SLBP: variants seen among roughly 807,000 people sequenced by gnomAD.
SLBP encodes histone RNA hairpin-binding protein.
In SLBP, 29 loss-of-function variants were observed where a neutral mutation model predicts 39.2. The observed-to-expected ratio is 0.74, with a 90% CI of 0.55 to 1.01. The LOEUF (loss-of-function observed/expected upper bound fraction) is 1.01. SLBP is among the 50% of genes least tolerant of loss of function. SLBP has a pLI of 0.00. For synonymous variants in SLBP, 129 were observed against 118.7 expected, an observed-to-expected ratio of 1.09 and a Z score of -0.57; for missense variants, 390 against 350.2, an observed-to-expected ratio of 1.11 and a Z score of -0.91.
intron 2 of SLBP, among the ~76,000 whole-genome samples, chr4:1,708,171 G>C (rs144012607): frequency 8.6e-4 from 131 of 151,850 alleles, no homozygotes; most frequent in African/African-American, 3.1e-3. Context: ...AGAACTGCTT[G>C]AACTTGGAAG....
chr4:1,698,090 G>T (rs1010713102), intron 5 of SLBP, among the ~76,000 whole-genome samples: 1 of 151,818 alleles, frequency 6.6e-6, no homozygotes, highest in African/African-American at 2.4e-5. Context: ...GGTTGGGCGT[G>T]GTGGCTCACC....
chr4:1,696,696 G>A (rs1437837363), intron 5 of SLBP, among the ~76,000 whole-genome samples: 3 of 152,076 alleles, frequency 2.0e-5, no homozygotes, highest in African/African-American at 7.2e-5. Context: ...TCAGCAGTTC[G>A]AGACCAGCTT....
chr4:1,706,777 C>A (rs796873250), intron 2 of SLBP, among the ~76,000 whole-genome samples: 3 of 117,372 alleles, frequency 2.6e-5, no homozygotes, highest in African/African-American at 8.1e-5. Context: ...TGCAGTGAGC[C>A]GAGATCGTGC....
intron 5 of SLBP, among the ~76,000 whole-genome samples, chr4:1,696,954 T>C (rs1192682063): frequency 2.0e-5 from 3 of 149,560 alleles, no homozygotes; most frequent in Non-Finnish European, 4.4e-5. Context: ...CTCAAGAGCC[T>C]GAGATCAGGC....
intron 2 of SLBP, among the ~76,000 whole-genome samples, chr4:1,705,186 C>T (rs1232413888): frequency 6.6e-6 from 1 of 152,262 alleles, no homozygotes; most frequent in Non-Finnish European, 1.5e-5. Context: ...CTCGGCCTCC[C>T]AAAGTACTGG....
intron 2 of SLBP, among the ~76,000 whole-genome samples, chr4:1,704,650 C>T (rs1336519482): frequency 1.3e-5 from 2 of 152,132 alleles, no homozygotes; most frequent in Non-Finnish European, 2.9e-5. Context: ...CCCTGGCTGG[C>T]CATACAGAGG....
intron 3 of SLBP, among the ~76,000 whole-genome samples, chr4:1,701,531 TCTTA>T (rs1716331120): frequency 3.9e-5 from 6 of 152,234 alleles, no homozygotes; most frequent in African/African-American, 1.2e-4. Context: ...TTCATACCGC[TCTTA>T]CTGTCAGGAA....
rs1716359241 is a variant in SLBP at position 1,702,363 on chromosome 4, C to T, written c.281+1233G>A. Among the ~76,000 whole-genome samples, 6 of 151,874 alleles carry T rather than the reference C, an allele frequency of 4.0e-5. No individual in the cohort carries two copies. The South Asian group carries it at 1.2e-3, about 31-fold the overall frequency. ...ACCAGAAGAAATGACAAATAACTCC[C>T]CCAAATGTTCAATAACCAATTCCCA... On this transcript the variant is annotated intron_variant, in intron 3 of 7. Transcript: ENST00000489418.
In SLBP at chr4:1,693,566, G is replaced by C; in HGVS notation, c.*31C>G. 7.4e-7 allele frequency: 1 copy of C among 1,342,420 alleles called. No individual in the cohort carries two copies. The highest frequency in any genetic ancestry group is 1.1e-6 in the Non-Finnish European group (1 of 932,446). 83.2% of individuals were successfully genotyped at this position (1,342,420 alleles called of 1,614,324 possible). On this transcript the variant is annotated 3_prime_UTR_variant, in exon 8 of 8. Transcript: ENST00000489418. ...CAGCCTTCCACCTAGTCGGGGAGGA[G>C]CTGTTTCTCTTCCTGGCCGCCAGGG...
intron 2 of SLBP, among the ~76,000 whole-genome samples, 174 bp from the exon 3 acceptor site, chr4:1,703,874 G>A (rs1207343807): frequency 6.6e-6 from 1 of 152,112 alleles, no homozygotes; most frequent in Admixed American, 6.6e-5. Context: ...AGACCAGCAT[G>A]GGCAAGATAG....
Position 1,696,335 on chromosome 4 carries a change from CA to C in SLBP, c.495del (p.Gly166AlafsTer48). 6.3e-7 allele frequency: 1 copy of C among 1,584,536 alleles called. No homozygotes were observed. Among genetic ancestry groups the C allele is most frequent in the Non-Finnish European group, 8.6e-7 (1 of 1,166,432 alleles). ...TTATTAGGGGTCTTGGGATGAATGC[CA>C]GGTTGTCGAAGGTGTCTACAGGAGA... ...IKEVPRHLRQ[P>X]GIHPKTPNKF... On this transcript the variant is annotated frameshift_variant, in exon 6 of 8. Coordinates refer to ENST00000489418, the MANE Select transcript of SLBP (RefSeq NM_006527.4). LOFTEE classifies it high-confidence loss of function.
At chr4:1,706,223 T>C (rs1390969213) in intron 2 of SLBP, among the ~76,000 whole-genome samples, 1 of 151,566 alleles carries the variant, frequency 6.6e-6, no homozygotes, top group Non-Finnish European at 1.5e-5. Flanking sequence ...GAGACGGAGG[T>C]TGCAGTGAGC....
At chr4:1,706,332 G>A (rs1231805718) in intron 2 of SLBP, among the ~76,000 whole-genome samples, 3 of 152,098 alleles carry the variant, frequency 2.0e-5, no homozygotes, top group African/African-American at 4.8e-5. Flanking sequence ...CCTTTCGGGC[G>A]CATGTAATTA....
chr4:1,710,489 G>A (rs112101681), intron 2 of SLBP, among the ~76,000 whole-genome samples: 13 of 152,204 alleles, frequency 8.5e-5, no homozygotes, highest in African/African-American at 3.1e-4. Context: ...TAATGTTAAG[G>A]ACATACCTAG....
chr4:1,704,816 C>T (rs945634264), intron 2 of SLBP, among the ~76,000 whole-genome samples: 2 of 152,098 alleles, frequency 1.3e-5, no homozygotes, highest in African/African-American at 4.8e-5. Context: ...TAGACTCCTC[C>T]ATCTGAATAT....
At chr4:1,706,365 C>T (rs919027646) in intron 2 of SLBP, among the ~76,000 whole-genome samples, 1 of 152,216 alleles carries the variant, frequency 6.6e-6, no homozygotes, top group South Asian at 2.1e-4. Context: ...GTTATGTACA[C>T]TATGATTACA....
intron 7 of SLBP, 57 bp from the exon 8 acceptor site, chr4:1,693,770 C>A (rs1716004936): frequency 2.0e-6 from 2 of 988,894 alleles, no homozygotes; most frequent in Non-Finnish European, 3.3e-6. Context: ...AACAGGGGCC[C>A]CTTCCTACAC....
chr4:1,711,431 G>A (rs1260256864), intron 2 of SLBP, among the ~76,000 whole-genome samples: 5 of 151,882 alleles, frequency 3.3e-5, no homozygotes, highest in Non-Finnish European at 7.4e-5. Context: ...GACCCTCCTC[G>A]GCCGTCCCAC....
At chr4:1,711,110 C>T (rs542700592) in intron 2 of SLBP, among the ~76,000 whole-genome samples, 2 of 150,682 alleles carry the variant, frequency 1.3e-5, no homozygotes, top group South Asian at 2.1e-4. Context: ...TGATTCCGCG[C>T]TCAGCATAAT....
Sources: allele counts gnomAD v4.1 joint callset (sites outside exome capture counted in the v4.1 genomes callset), GRCh38; gene constraint gnomAD v4.1.1; transcripts MANE v1.5; gene names NCBI Gene and HGNC (gene_info 2026-07-23, HGNC 2026-07-21).